The following BCAM variants were observed in gnomAD, a reference collection of about 807,000 sequenced individuals.
BCAM encodes basal cell adhesion molecule.
In BCAM, 61 loss-of-function variants were observed where a neutral mutation model predicts 72.4. The observed-to-expected ratio is 0.84, with a 90% confidence interval of 0.69 to 1.04. The LOEUF (loss-of-function observed/expected upper bound fraction) is 1.04. BCAM is among the 50% of genes least tolerant of loss of function. The probability of loss-of-function intolerance (pLI) is 0.00; values close to 1 mark genes in which losing one functional copy is unlikely to be tolerated. For synonymous variants in BCAM, 408 were observed against 384.2 expected (o/e 1.06, Z -0.73); for missense variants, 909 against 895.0 (o/e 1.02, Z -0.20).
At chr19:44,819,890 C>G (rs1568575045) in intron 13 of BCAM, 164 bp downstream of exon 13, 4 of 1,410,460 alleles carry the variant, frequency 2.8e-6, no homozygotes, top group Non-Finnish European at 3.7e-6. Context: ...CAGCCCCAAA[C>G]CCAGCCCCAG....
At position 44,812,721 on chromosome 19, in the gene BCAM, A is replaced by T. The variant is rs1007471208; in HGVS notation, c.504+173A>T. 2.1e-5 allele frequency: 15 copies of T among 700,508 alleles called. No individual in the cohort carries two copies. The African/African-American group carries it at 2.2e-4, about 10-fold the overall frequency. The allele number at this position is 700,508 out of a possible 1,614,324, so 43.4% of individuals were successfully genotyped here. A position where few individuals can be genotyped will look rare whatever the true frequency, so the allele number is the denominator to read the frequency against. ...TCCCAGCATTTTGGGAGGCAGAGGC[A>T]GGCGGATCACCTGAGGTCAGGAGTT... On this transcript the variant is annotated intron_variant, in intron 4 of 14. Transcript: ENST00000270233. This position sits in a 1 kb window ranked among gnomAD's most constrained non-coding sequence, Gnocchi z 5.3.
Position 44,814,112 on chromosome 19 carries a change from T to C in BCAM, c.785-40T>C. 6.5e-7 allele frequency: 1 copy of C among 1,548,494 alleles called. No homozygotes were observed. Among genetic ancestry groups the C allele is most frequent in the Non-Finnish European group, 8.7e-7 (1 of 1,155,052 alleles). ...TCGCCTGTCCTCTAGCCTTGACCCTTCCCCTGATCACAATTCCCATCTCCC... is the reference window on the plus strand; with the variant it reads ...TCGCCTGTCCTCTAGCCTTGACCCTCCCCCTGATCACAATTCCCATCTCCC... On this transcript the variant is annotated intron_variant, in intron 6 of 14. Transcript: ENST00000270233. This position sits in a 1 kb window ranked among gnomAD's most constrained non-coding sequence, Gnocchi z 4.6.
In BCAM at chr19:44,818,638, G is replaced by C. The variant is rs1286797055; in HGVS notation, c.1194+1G>C. ...CACCCCTGCCCTACGCTGGACCAAG[G>C]TGAGAGGGAGAGGAGCCCCCTCGGG... On this transcript the variant is annotated splice_donor_variant, in intron 9 of 14. Transcript: ENST00000270233. LOFTEE classifies it high-confidence loss of function. This position sits in a 1 kb window ranked among gnomAD's most constrained non-coding sequence, Gnocchi z 4.6. The C allele has an allele frequency of 6.2e-7, 1 of 1,613,272 alleles. No individual in the cohort carries two copies. Among genetic ancestry groups the C allele is most frequent in the Non-Finnish European group, 8.5e-7 (1 of 1,179,378 alleles).
chr19:44,818,676 A>G lies in BCAM; in HGVS notation c.1194+39A>G. ...GAGCCCCCTCGGGCCCTGCACTCGC[A>G]CCCTCCTCTCTCCCCTCACTCCTCG... On this transcript the variant is annotated intron_variant, in intron 9 of 14. Transcript: ENST00000270233. This position sits in a 1 kb window ranked among gnomAD's most constrained non-coding sequence, Gnocchi z 4.6. The G allele has an allele frequency of 6.2e-7, 1 of 1,609,104 alleles. No individual in the cohort carries two copies. Among genetic ancestry groups the G allele is most frequent in the African/African-American group, 1.3e-5 (1 of 74,192 alleles).
Position 44,818,628 on chromosome 19 carries a change from C to T in BCAM, c.1185C>T (p.Arg395=), listed in dbSNP as rs543049924. Residue 395 remains arginine, a synonymous_variant, in exon 9 of 15, where the codon CGC becomes CGT. Coordinates refer to ENST00000270233, the MANE Select transcript of BCAM (RefSeq NM_005581.5). The surrounding 1 kb of genome is among the most constrained non-coding windows in gnomAD (Gnocchi z 4.6). The part of the protein sequence containing the change: ...SVHGLPTPAL[R]WTKDSTPLGD... The stretch of plus-strand genomic sequence containing the variant: ...ACGGCCTGCCCACCCCTGCCCTACG[C>T]TGGACCAAGGTGAGAGGGAGAGGAG... The T allele has an allele frequency of 9.8e-5, 158 of 1,613,616 alleles. 1 individual carries two copies. Among genetic ancestry groups the T allele is most frequent in the Non-Finnish European group, 1.3e-4 (156 of 1,179,724 alleles).
chr19:44,813,168 G>A lies in BCAM; in HGVS notation c.505-82G>A. Reference sequence around the variant, plus strand: ...AGTTAGGAGCCCGGCTCATGAGTCTGAGTGGGGAGAACTCCTGAGAGAGGA... The same window carrying A: ...AGTTAGGAGCCCGGCTCATGAGTCTAAGTGGGGAGAACTCCTGAGAGAGGA... On this transcript the variant is annotated intron_variant, in intron 4 of 14. Transcript: ENST00000270233. This position sits in a 1 kb window ranked among gnomAD's most constrained non-coding sequence, Gnocchi z 4.2. The A allele has an allele frequency of 6.7e-7, 1 of 1,483,712 alleles. No homozygotes were observed. Among genetic ancestry groups the A allele is most frequent in the Non-Finnish European group, 9.3e-7 (1 of 1,078,838 alleles). 91.9% of individuals were successfully genotyped at this position (1,483,712 alleles called of 1,614,324 possible).
Position 44,812,580 on chromosome 19 carries a change from C to G in BCAM, c.504+32C>G. On this transcript the variant is annotated intron_variant, in intron 4 of 14. Transcript: ENST00000270233. This position sits in a 1 kb window ranked among gnomAD's most constrained non-coding sequence, Gnocchi z 5.3. ...CTCGGGTGGACCTTGGCCCCAGGGT[C>G]CTGGAGGAGGAGGGGACAGGGCCCT... is the stretch of plus-strand genomic sequence containing the variant. 6.2e-7 allele frequency: 1 copy of G among 1,612,592 alleles called. No homozygotes were observed. Among genetic ancestry groups the G allele is most frequent in the Non-Finnish European group, 8.5e-7 (1 of 1,179,128 alleles).
chr19:44,816,495 C>T (rs1421681650), intron 8 of BCAM, among the ~76,000 whole-genome samples: 7 of 152,162 alleles, frequency 4.6e-5, no homozygotes. Context: ...AGGCAGCTCC[C>T]AGAGAGGGGT....
In BCAM at chr19:44,811,954, G is replaced by A. The variant is rs754681681; in HGVS notation, c.205-209G>A. 2.1e-4 allele frequency: 124 copies of A among 598,426 alleles called. 1 individual carries two copies. The highest frequency in any genetic ancestry group is 3.3e-4 in the Non-Finnish European group (113 of 344,280). 37.1% of individuals were successfully genotyped at this position (598,426 alleles called of 1,614,324 possible). ...GACCAAGAGGAGAAGGGATGGGACC[G>A]GAATGAGATGGAGAAAAGGAGACAG... is the stretch of plus-strand genomic sequence containing the variant. On this transcript the variant is annotated intron_variant, in intron 2 of 14. Transcript: ENST00000270233.
chr19:44,813,609 T>G lies in BCAM; in HGVS notation c.773T>G (p.Leu258Arg), dbSNP rs1286833741. Residue 258 changes from leucine to arginine, a missense_variant, in exon 6 of 15, where the codon CTC becomes CGC. Transcript: ENST00000270233. This position sits in a 1 kb window ranked among gnomAD's most constrained non-coding sequence, Gnocchi z 4.2. ...HGRLDSPTFHLTLHYPTEHVQ... is the reference protein window; with the variant it reads ...HGRLDSPTFHRTLHYPTEHVQ... ...CGCCTGGACAGCCCCACCTTCCACC[T>G]CACCCTGCACTGTGAGTCTGTGCTG... 1 of 1,612,072 alleles carries G rather than the reference T, an allele frequency of 6.2e-7. No individual in the cohort carries two copies. The highest frequency in any genetic ancestry group is 8.5e-7 in the Non-Finnish European group (1 of 1,179,746).
rs774186682 is a variant in BCAM, at chr19:44,812,595, G to A, written c.504+47G>A. 1 of 1,606,834 alleles carries A rather than the reference G, an allele frequency of 6.2e-7. No individual in the cohort carries two copies. The highest frequency in any genetic ancestry group is 8.5e-7 in the Non-Finnish European group (1 of 1,175,366). On this transcript the variant is annotated intron_variant, in intron 4 of 14. Coordinates refer to ENST00000270233, the MANE Select transcript of BCAM (RefSeq NM_005581.5). This position sits in a 1 kb window ranked among gnomAD's most constrained non-coding sequence, Gnocchi z 5.3. ...GCCCCAGGGTCCTGGAGGAGGAGGG[G>A]ACAGGGCCCTGGACTCCTGGGTCTG...
At position 44,814,927 on chromosome 19, in the gene BCAM, T is replaced by C. The variant is rs199637573; in HGVS notation, c.1078+167T>C. Among the ~76,000 whole-genome samples the C allele has an allele frequency of 8.8e-4, 132 of 149,796 alleles. 1 individual carries two copies. In the East Asian group the frequency reaches 0.017, roughly 19 times the overall value. On this transcript the variant is annotated intron_variant, in intron 8 of 14. Transcript: ENST00000270233. The surrounding 1 kb of genome is among the most constrained non-coding windows in gnomAD (Gnocchi z 4.6). ...TTGGTTGTTTTTTTTTTTTTTTTTTTCCCAGAGACAGGACCTGGCTACGTT... is the reference window on the plus strand; with the variant it reads ...TTGGTTGTTTTTTTTTTTTTTTTTTCCCCAGAGACAGGACCTGGCTACGTT...
Position 44,813,368 on chromosome 19 carries a change from C to T in BCAM, c.601+22C>T, listed in dbSNP as rs753579240. Reference sequence around the variant, plus strand: ...CCAGGTGAGCAGCGCAGGAGCGCGGCGGGACGTGGGCTGGGGTGGGTGGCG... The same window carrying T: ...CCAGGTGAGCAGCGCAGGAGCGCGGTGGGACGTGGGCTGGGGTGGGTGGCG... On this transcript the variant is annotated intron_variant, in intron 5 of 14. Coordinates refer to ENST00000270233, the MANE Select transcript of BCAM (RefSeq NM_005581.5). This position sits in a 1 kb window ranked among gnomAD's most constrained non-coding sequence, Gnocchi z 4.2. 8.7e-6 allele frequency: 14 copies of T among 1,611,104 alleles called. No homozygotes were observed. Among genetic ancestry groups the T allele is most frequent in the African/African-American group, 4.0e-5 (3 of 74,876 alleles).
intron 13 of BCAM, 193 bp downstream of exon 13, chr19:44,819,919 C>T: frequency 3.3e-6 from 1 of 299,718 alleles, no homozygotes; most frequent in South Asian, 4.7e-5. Flanking sequence ...ACAGCCATCC[C>T]CAACTCATCC....
intron 8 of BCAM, among the ~76,000 whole-genome samples, chr19:44,816,374 G>A (rs118147862): frequency 0.023 from 3,565 of 152,280 alleles, 74 homozygotes; most frequent in Non-Finnish European, 0.04. Context: ...AATCCAGGAT[G>A]GCCCTTCACA....
In BCAM at chr19:44,813,694, C is replaced by T. The variant is rs964524536; in HGVS notation, c.784+74C>T. On this transcript the variant is annotated intron_variant, in intron 6 of 14. Transcript: ENST00000270233. The surrounding 1 kb of genome is among the most constrained non-coding windows in gnomAD (Gnocchi z 4.2). ...TGAGGCCTGACCCTCCACCCGGGGG[C>T]TTCACACTCCCCTCTGACCCTCTGC... The T allele has an allele frequency of 3.9e-6, 6 of 1,533,864 alleles. No homozygotes were observed. The highest frequency in any genetic ancestry group is 4.4e-6 in the Non-Finnish European group (5 of 1,134,476).
Position 44,813,051 on chromosome 19 carries a change from C to T in BCAM, c.505-199C>T. On this transcript the variant is annotated intron_variant, in intron 4 of 14. Coordinates refer to ENST00000270233, the MANE Select transcript of BCAM (RefSeq NM_005581.5). The surrounding 1 kb of genome is among the most constrained non-coding windows in gnomAD (Gnocchi z 4.2). ...GGAGAGAGCTGGGGGACCCAGAATCCTTGGTCCCTGGAGGATGGTGCTGGA... is the reference window on the plus strand; with the variant it reads ...GGAGAGAGCTGGGGGACCCAGAATCTTTGGTCCCTGGAGGATGGTGCTGGA... The T allele has an allele frequency of 1.7e-6, 1 of 601,748 alleles. No homozygotes were observed. The allele number at this position is 601,748 out of a possible 1,614,324, so 37.3% of individuals were successfully genotyped here.
rs761165322 is a variant in BCAM at position 44,819,702 on chromosome 19, G to A, written c.1739G>A (p.Arg580His). 7.8e-5 allele frequency: 125 copies of A among 1,608,960 alleles called. No individual in the cohort carries two copies. The Admixed American group carries it at 1.2e-3, about 16-fold the overall frequency. Residue 580 changes from arginine to histidine, a missense_variant, in exon 13 of 15, where the codon CGC becomes CAC. By Grantham distance (29) the Arg-to-His change is conservative. Transcript: ENST00000270233. ...AGACGCAAAGGGGGCCCCTGCTGCCGCCAGCGGCGGGAGAAGGGGGCTCCG... is the reference window on the plus strand; with the variant it reads ...AGACGCAAAGGGGGCCCCTGCTGCCACCAGCGGCGGGAGAAGGGGGCTCCG... ...CVRRKGGPCC[R>H]QRREKGAPPP... is the part of the protein sequence containing the mutation.
chr19:44,812,511 A>C lies in BCAM; in HGVS notation c.467A>C (p.Lys156Thr). ...KPEATEVSPNKGTLSVMEDSA... is the reference protein window; with the variant it reads ...KPEATEVSPNTGTLSVMEDSA... The stretch of plus-strand genomic sequence containing the variant: ...GAGGCCACTGAGGTCTCCCCCAACA[A>C]AGGGACACTGTCTGTGATGGAGGAC... Residue 156 changes from lysine to threonine, a missense_variant, in exon 4 of 15, where the codon AAA becomes ACA. Transcript: ENST00000270233. This position sits in a 1 kb window ranked among gnomAD's most constrained non-coding sequence, Gnocchi z 5.3. 6.2e-7 allele frequency: 1 copy of C among 1,614,134 alleles called. No individual in the cohort carries two copies. Among genetic ancestry groups the C allele is most frequent in the South Asian group, 1.1e-5 (1 of 91,080 alleles).
Sources: allele counts gnomAD v4.1 joint callset (sites outside exome capture counted in the v4.1 genomes callset), GRCh38; gene constraint gnomAD v4.1.1; non-coding constraint Gnocchi (gnomAD v3.1); transcripts MANE v1.5; gene names NCBI Gene and HGNC (gene_info 2026-07-23, HGNC 2026-07-21).